Variants in SRPRA observed in about 807,000 individuals in gnomAD.
SRPRA encodes SRP receptor subunit alpha, also known as signal recognition particle receptor subunit alpha.
In SRPRA, 30 loss-of-function variants were observed where a neutral mutation model predicts 61.1. The ratio of observed to expected loss-of-function variants is 0.49; its 90% CI spans 0.37 to 0.67. The LOEUF (loss-of-function observed/expected upper bound fraction) is 0.67. SRPRA is among the 30% of genes least tolerant of loss of function. The pLI is 0.00. For missense variants in SRPRA, 759 were observed against 828.4 expected (o/e 0.92, Z 1.03); for synonymous variants, 324 against 299.7 (o/e 1.08, Z -0.84).
chr11:126,265,856 T>C lies in SRPRA; in HGVS notation c.1052-33A>G. On this transcript the variant is annotated intron_variant, in intron 8 of 13. Coordinates refer to ENST00000332118, the MANE Select transcript of SRPRA (RefSeq NM_003139.4). This position sits in a 1 kb window ranked among gnomAD's most constrained non-coding sequence, Gnocchi z 6.3. ...GAGGGGGACAGGTATGTCAGTTCCA[T>C]GTCAGCAATGACCAATCTTTATGGT... is the stretch of plus-strand genomic sequence containing the variant. 1.9e-6 allele frequency: 3 copies of C among 1,613,714 alleles called. No homozygotes were observed. Among genetic ancestry groups the C allele is most frequent in the Non-Finnish European group, 1.7e-6 (2 of 1,179,548 alleles).
chr11:126,247,885 A>C, the SRPRA span, among the ~76,000 whole-genome samples: 2 of 146,204 alleles, frequency 1.4e-5, no homozygotes, highest in South Asian at 2.1e-4. Flanking sequence ...ATATATCTAT[A>C]TATATATATA....
the SRPRA span, chr11:126,256,458 C>T: frequency 5.2e-6 from 5 of 958,750 alleles, no homozygotes; most frequent in Non-Finnish European, 7.7e-6. The surrounding 1 kb of genome is among the most constrained non-coding windows in gnomAD (Gnocchi z 6.6). Context: ...CCACTTAAGT[C>T]TTGCTTAATT....
rs1417533420 is a variant in SRPRA, at chr11:126,266,677, G to A, written c.687-48C>T. The A allele has an allele frequency of 8.1e-6, 13 of 1,608,846 alleles. No individual in the cohort carries two copies. In the Admixed American group the frequency reaches 1.0e-4, roughly 12 times the overall value. The stretch of plus-strand genomic sequence containing the variant: ...GAGTTATGGTGGAGAAGTAGGAAAG[G>A]AAACATGAGCCAGAGACCAGAACTC... On this transcript the variant is annotated intron_variant, in intron 5 of 13. Coordinates refer to ENST00000332118, the MANE Select transcript of SRPRA (RefSeq NM_003139.4).
the SRPRA span, among the ~76,000 whole-genome samples, chr11:126,248,060 C>G: frequency 2.0e-5 from 3 of 150,196 alleles, no homozygotes; most frequent in Admixed American, 2.0e-4. Context: ...TCAGGAGAAT[C>G]ACCTGAACCA....
chr11:126,238,072 A>G, the SRPRA span, among the ~76,000 whole-genome samples: 4 of 152,018 alleles, frequency 2.6e-5, no homozygotes, highest in Non-Finnish European at 2.9e-5. Context: ...CAAAAAGCCA[A>G]TGGAAGAGGC....
chr11:126,265,335 C>A lies in SRPRA; in HGVS notation c.1244G>T (p.Arg415Leu). 1 of 1,614,040 alleles carries A rather than the reference C, an allele frequency of 6.2e-7. No individual in the cohort carries two copies. The highest frequency in any genetic ancestry group is 8.5e-7 in the Non-Finnish European group (1 of 1,180,030). Residue 415 changes from arginine to leucine, a missense_variant, in exon 10 of 14, where the codon CGC becomes CTC. This residue lies in a region of SRPRA where 284 missense variants were observed against 365.9 expected (regional missense o/e 0.78). Transcript: ENST00000332118. This position sits in a 1 kb window ranked among gnomAD's most constrained non-coding sequence, Gnocchi z 6.3. Reference protein sequence around the residue: ...MLRDIMDAQRRQRPYVVTFCG... With the variant: ...MLRDIMDAQRLQRPYVVTFCG... ...GAAGGTGACGACATAAGGGCGCTGG[C>A]GACGCTGGGCATCCATGATGTCCCG... is the stretch of plus-strand genomic sequence containing the variant.
At chr11:126,237,508 G>T in the SRPRA span, among the ~76,000 whole-genome samples, 1 of 144,036 alleles carries the variant, frequency 6.9e-6, no homozygotes, top group Non-Finnish European at 1.5e-5. Flanking sequence ...AAAGTGCTGG[G>T]ATGACAGGCG....
At chr11:126,266,146 T>C in intron 7 of SRPRA, 41 bp downstream of exon 7, 1 of 1,613,078 alleles carries the variant, frequency 6.2e-7, no homozygotes, top group African/African-American at 1.3e-5. Context: ...CTTACCAGTT[T>C]TGCAGATGCA....
the SRPRA span, among the ~76,000 whole-genome samples, chr11:126,237,823 C>T: frequency 7.2e-6 from 1 of 139,186 alleles, no homozygotes. Context: ...TGTCACTGCA[C>T]TCCAGCCTGG....
downstream of SRPRA, among the ~76,000 whole-genome samples, chr11:126,258,516 T>G (rs977504261): frequency 3.3e-5 from 5 of 152,234 alleles, no homozygotes; most frequent in African/African-American, 1.2e-4. Context: ...TTACACAGCT[T>G]CTTCCATGGC....
In SRPRA at chr11:126,265,154, C is replaced by G; in HGVS notation, c.1330G>C (p.Glu444Gln). The G allele has an allele frequency of 6.2e-7, 1 of 1,614,164 alleles. No homozygotes were observed. The highest frequency in any genetic ancestry group is 8.5e-7 in the Non-Finnish European group (1 of 1,180,032). The change falls in exon 11 of 14, where the codon GAG becomes CAG. Residue 444 changes from glutamate to glutamine, a missense_variant. By Grantham distance (29) the Glu-to-Gln change is conservative. Around this residue, in one of 2 missense-constraint regions of SRPRA, gnomAD observed 284 missense variants for 365.9 expected, o/e 0.78. Coordinates refer to ENST00000332118, the MANE Select transcript of SRPRA (RefSeq NM_003139.4). This position sits in a 1 kb window ranked among gnomAD's most constrained non-coding sequence, Gnocchi z 6.3. ...GCAATGAGGACACTGAAGCCATTCT[C>G]TAACAACCAGAAGGAAATCTGTGAA... ...NLAKISFWLLENGFSVLIAAC... is the reference protein window; with the variant it reads ...NLAKISFWLLQNGFSVLIAAC...
At chr11:126,247,357 T>C in the SRPRA span, among the ~76,000 whole-genome samples, 5 of 152,216 alleles carry the variant, frequency 3.3e-5, no homozygotes, top group Non-Finnish European at 7.3e-5. Flanking sequence ...TCATATTTCC[T>C]TCCTATGTTG....
the SRPRA span, among the ~76,000 whole-genome samples, chr11:126,248,358 CTTTTTT>C: frequency 1.6e-4 from 6 of 36,964 alleles, no homozygotes; most frequent in African/African-American, 6.1e-4. Flanking sequence ...TAGTAGTTGA[CTTTTTT>C]TTTTTTTTTT....
At chr11:126,239,906 A>G in the SRPRA span, among the ~76,000 whole-genome samples, 1 of 152,208 alleles carries the variant, frequency 6.6e-6, no homozygotes, top group African/African-American at 2.4e-5. Context: ...AGGTTTCCCA[A>G]GGCTTGAAAG....
the SRPRA span, among the ~76,000 whole-genome samples, chr11:126,240,508 A>G: frequency 6.6e-6 from 1 of 152,110 alleles, no homozygotes; most frequent in African/African-American, 2.4e-5. Context: ...TCTTTTCCTA[A>G]TATTAGTGGA....
chr11:126,256,471 T>TAG, the SRPRA span: 1 of 1,137,858 alleles, frequency 8.8e-7, no homozygotes, highest in Non-Finnish European at 1.3e-6. The surrounding 1 kb of genome is among the most constrained non-coding windows in gnomAD (Gnocchi z 6.6). Context: ...GCTTAATTGG[T>TAG]CATCACAGTC....
chr11:126,262,339 T>C, downstream of SRPRA: 1 of 465,446 alleles, frequency 2.1e-6, no homozygotes, highest in Non-Finnish European at 3.9e-6. Flanking sequence ...CTGTTCAAGT[T>C]CAAGAATAAA....
At chr11:126,252,187 A>G in the SRPRA span, among the ~76,000 whole-genome samples, 7 of 151,834 alleles carry the variant, frequency 4.6e-5, no homozygotes, top group East Asian at 1.2e-3. The surrounding 1 kb of genome is among the most constrained non-coding windows in gnomAD (Gnocchi z 4.7). Flanking sequence ...GGGTTTCACC[A>G]TGTTGGCCAG....
chr11:126,268,053 C>A lies in SRPRA; in HGVS notation c.151G>T (p.Ala51Ser), dbSNP rs1422021569. The A allele has an allele frequency of 6.2e-7, 1 of 1,614,162 alleles. No homozygotes were observed. The highest frequency in any genetic ancestry group is 1.7e-5 in the Admixed American group (1 of 60,028). Residue 51 changes from alanine (A) to serine (S), a missense_variant, in exon 2 of 14, where the codon GCA becomes TCA. Ala to Ser is a moderately conservative substitution (Grantham distance 99). Around this residue, in one of 2 missense-constraint regions of SRPRA, gnomAD observed 475 missense variants for 462.5 expected, o/e 1.03. Coordinates refer to ENST00000332118, the MANE Select transcript of SRPRA (RefSeq NM_003139.4). ...TCCAGTTTATACTTGAGTGTGAGTG[C>A]CTCATGGGTGAAGGAGTTGTTACCT... ...RGGNNSFTHEALTLKYKLDNQ... is the reference protein window; with the variant it reads ...RGGNNSFTHESLTLKYKLDNQ...
Sources: allele counts gnomAD v4.1 joint callset (sites outside exome capture counted in the v4.1 genomes callset), GRCh38; gene constraint gnomAD v4.1.1; regional missense constraint gnomAD v4.1.1; non-coding constraint Gnocchi (gnomAD v3.1); transcripts MANE v1.5; gene names NCBI Gene and HGNC (gene_info 2026-07-23, HGNC 2026-07-21).